The following PAPOLG variants were observed in gnomAD, a reference collection of about 807,000 sequenced individuals.
PAPOLG encodes PAP-gamma.
PAPOLG carries 40 observed loss-of-function variants against 99.0 expected under a neutral mutation model. The observed-to-expected ratio is 0.40, with a 90% confidence interval of 0.31 to 0.53. The LOEUF is 0.53. PAPOLG is among the 20% of genes least tolerant of loss of function. The pLI, the probability that PAPOLG is intolerant of heterozygous loss-of-function variation, is 0.41. For missense variants in PAPOLG, 675 were observed against 884.1 expected (o/e 0.76, Z 3.00); for synonymous variants, 310 against 299.3 (o/e 1.04, Z -0.37).
At position 60,794,761 on chromosome 2, in the gene PAPOLG, AAAAG is replaced by A. The variant is rs1671646127; in HGVS notation, c.2045_2048del (p.Arg682AsnfsTer50). The A allele has an allele frequency of 6.2e-7, 1 of 1,608,686 alleles. No individual in the cohort carries two copies. Among genetic ancestry groups the A allele is most frequent in the Non-Finnish European group, 8.5e-7 (1 of 1,175,226 alleles). Reference sequence around the variant, plus strand: ...GGACCCCCGCACTGCTGAAGAAAGAAAAAGAAAATCAGTGGTAAATATATTAATA... The same window carrying A: ...GGACCCCCGCACTGCTGAAGAAAGAAAAAATCAGTGGTAAATATATTAATA... On this transcript the variant is annotated frameshift_variant, in exon 20 of 22. Transcript: ENST00000238714. LOFTEE classifies it high-confidence loss of function.
intron 17 of PAPOLG, among the ~76,000 whole-genome samples, chr2:60,793,326 G>A (rs1671600636): frequency 1.3e-5 from 2 of 152,030 alleles, no homozygotes; most frequent in Non-Finnish European, 2.9e-5. Context: ...GGAGGCTGAG[G>A]CAGGAGGATT....
At chr2:60,790,978 A>G (rs1040348950) in intron 15 of PAPOLG, among the ~76,000 whole-genome samples, 1 of 152,102 alleles carries the variant, frequency 6.6e-6, no homozygotes, top group Non-Finnish European at 1.5e-5. Flanking sequence ...AGTCCCAGCT[A>G]CTGGGGAGGC....
Position 60,793,646 on chromosome 2 carries a change from G to A in PAPOLG, c.1699G>A (p.Ala567Thr). Reference protein sequence around the residue: ...ETERNSAEPAAVIVEKPLSVP... With the variant: ...ETERNSAEPATVIVEKPLSVP... ...CATTAGGAATAGTGCTGAGCCTGCT[G>A]CTGTAATTGTGGAGAAGCCACTGAG... The change falls in exon 18 of 22, where the codon GCT (alanine) becomes ACT (threonine). Residue 567 changes from alanine to threonine, a missense_variant. By Grantham distance (58) the Ala-to-Thr change is moderately conservative (BLOSUM62 0). Around this residue, in one of 3 missense-constraint regions of PAPOLG, gnomAD observed 413 missense variants for 460.5 expected, o/e 0.90. Transcript: ENST00000238714. 6.2e-7 allele frequency: 1 copy of A among 1,613,870 alleles called. No individual in the cohort carries two copies. The highest frequency in any genetic ancestry group is 1.1e-5 in the South Asian group (1 of 91,032).
Position 60,793,961 on chromosome 2 carries a change from TC to T in PAPOLG, c.1769-8del, listed in dbSNP as rs774174244. On this transcript the variant is annotated splice_polypyrimidine_tract_variant and intron_variant, in intron 18 of 21. Transcript: ENST00000238714. ...TGTTTAATTATTAAAATCCTTTTTT[TC>T]CTTTTCAGAAGTTGACTCTACAGTA... 1.4e-5 allele frequency: 23 copies of T among 1,596,448 alleles called. No homozygotes were observed. The South Asian group carries it at 2.5e-4, about 17-fold the overall frequency.
At chr2:60,769,856 A>G (rs918374811) in intron 5 of PAPOLG, among the ~76,000 whole-genome samples, 1 of 152,080 alleles carries the variant, frequency 6.6e-6, no homozygotes, top group Non-Finnish European at 1.5e-5. Flanking sequence ...GCACCTATCA[A>G]CCCATTATCT....
intron 13 of PAPOLG, among the ~76,000 whole-genome samples, chr2:60,784,443 A>G (rs1295233546): frequency 2.6e-5 from 4 of 152,222 alleles, no homozygotes; most frequent in Non-Finnish European, 4.4e-5. Flanking sequence ...TAGTGCATCT[A>G]AATTTATCCC....
chr2:60,787,340 CAG>C (rs1398445109), intron 14 of PAPOLG, 169 bp from the exon 15 acceptor site: 1 of 390,638 alleles, frequency 2.6e-6, no homozygotes, highest in Non-Finnish European at 3.5e-6. Flanking sequence ...CTCAGAACAA[CAG>C]GGGATAACTT....
At chr2:60,762,031 C>T (rs539816338) in intron 3 of PAPOLG, among the ~76,000 whole-genome samples, 1 of 152,234 alleles carries the variant, frequency 6.6e-6, no homozygotes, top group African/African-American at 2.4e-5. Context: ...TTATTTGACT[C>T]ATATGTAGTA....
At chr2:60,794,349 T>C (rs1437444492) in intron 19 of PAPOLG, 158 bp downstream of exon 19, 5 of 774,462 alleles carry the variant, frequency 6.5e-6, no homozygotes, top group East Asian at 2.7e-5. Context: ...TCATCCTAAA[T>C]TGAAATTACT....
intron 15 of PAPOLG, chr2:60,791,560 G>T (rs1261945307): frequency 4.5e-6 from 2 of 443,990 alleles, no homozygotes; most frequent in South Asian, 8.3e-5. Flanking sequence ...CTCAAAAAAA[G>T]AAAAACTAGT....
At chr2:60,756,556 C>A in intron 1 of PAPOLG, 61 bp downstream of exon 1, 1 of 1,523,702 alleles carries the variant, frequency 6.6e-7, no homozygotes, top group Non-Finnish European at 8.9e-7. Flanking sequence ...GGTGGTCCGA[C>A]TGTGTCCTTG....
chr2:60,794,364 C>T (rs1671635145), intron 19 of PAPOLG, 173 bp downstream of exon 19: 2 of 707,948 alleles, frequency 2.8e-6, no homozygotes, highest in Non-Finnish European at 4.5e-6. Flanking sequence ...ATTACTAATA[C>T]GTCTGAAAAT....
chr2:60,795,000 A>G lies in PAPOLG; in HGVS notation c.2092A>G (p.Ile698Val), dbSNP rs1014621046. ...IGGESMPIPT[I>V]DTSRKKRLPS... ...AGGAGAATCTATGCCTATTCCAACT[A>G]TTGATACATCACGCAAAAAGGTAAC... Residue 698 changes from isoleucine to valine, a missense_variant, in exon 21 of 22, where the codon ATT becomes GTT. Ile to Val is a conservative substitution (Grantham distance 29). Coordinates refer to ENST00000238714, the MANE Select transcript of PAPOLG (RefSeq NM_022894.4). 9 of 1,613,144 alleles carry G rather than the reference A, an allele frequency of 5.6e-6. No individual in the cohort carries two copies. The highest frequency in any genetic ancestry group is 4.0e-5 in the African/African-American group (3 of 74,894).
chr2:60,763,845 C>T (rs913675829), intron 3 of PAPOLG, among the ~76,000 whole-genome samples: 2 of 152,072 alleles, frequency 1.3e-5, no homozygotes, highest in Non-Finnish European at 2.9e-5. Flanking sequence ...TCTCTGTTGC[C>T]CAGGCTGCAG....
intron 13 of PAPOLG, among the ~76,000 whole-genome samples, chr2:60,785,690 AT>A (rs774614184): frequency 1.8e-3 from 245 of 136,384 alleles, no homozygotes; most frequent in Middle Eastern, 3.9e-3. Context: ...TACCTGGCTG[AT>A]TTTTTTTTTT....
chr2:60,773,973 G>T (rs982371077), intron 7 of PAPOLG, among the ~76,000 whole-genome samples: 1 of 152,182 alleles, frequency 6.6e-6, no homozygotes, highest in African/African-American at 2.4e-5. Context: ...AAAGCAGGTA[G>T]TTGAGCTTAC....
At chr2:60,765,095 C>T (rs951025055) in intron 3 of PAPOLG, among the ~76,000 whole-genome samples, 4 of 152,018 alleles carry the variant, frequency 2.6e-5, no homozygotes, top group African/African-American at 9.7e-5. Context: ...AAGGATCTCT[C>T]AGTCTGTCTC....
At chr2:60,782,833 C>T in intron 12 of PAPOLG, 63 bp downstream of exon 12, 1 of 1,482,420 alleles carries the variant, frequency 6.7e-7, no homozygotes, top group South Asian at 1.3e-5. Flanking sequence ...GAATGTTAAA[C>T]ATAGTTAATA....
chr2:60,763,559 A>G (rs1206175748), intron 3 of PAPOLG, among the ~76,000 whole-genome samples: 1 of 152,190 alleles, frequency 6.6e-6, no homozygotes, highest in Admixed American at 6.5e-5. Flanking sequence ...GCTGGAGTGC[A>G]GTGGCGAGAT....
Sources: allele counts gnomAD v4.1 joint callset (sites outside exome capture counted in the v4.1 genomes callset), GRCh38; gene constraint gnomAD v4.1.1; regional missense constraint gnomAD v4.1.1; transcripts MANE v1.5; gene names NCBI Gene and HGNC (gene_info 2026-07-23, HGNC 2026-07-21).